Variants in ARHGAP42 observed in about 807,000 individuals in gnomAD.
ARHGAP42 encodes Rho GTPase activating protein 42.
In ARHGAP42, 63 loss-of-function variants were observed where a neutral mutation model predicts 125.0. The ratio of observed to expected loss-of-function variants is 0.50; its 90% CI spans 0.41 to 0.62. The LOEUF is 0.62. ARHGAP42 is among the 20% of genes least tolerant of loss of function. The pLI, the probability that ARHGAP42 is intolerant of heterozygous loss-of-function variation, is 0.00. For missense variants in ARHGAP42, 766 were observed against 1,024.2 expected, an observed-to-expected ratio of 0.75 and a Z score of 3.44; for synonymous variants, 339 against 351.0, an observed-to-expected ratio of 0.97 and a Z score of 0.38.
chr11:100,848,647 G>T (rs1865128168), intron 3 of ARHGAP42, among the ~76,000 whole-genome samples: 1 of 151,894 alleles, frequency 6.6e-6, no homozygotes, highest in South Asian at 2.1e-4. Context: ...GGGATTACAG[G>T]TGTGCACCAC....
intron 2 of ARHGAP42, among the ~76,000 whole-genome samples, chr11:100,778,563 G>GTT (rs532071559): frequency 6.8e-6 from 1 of 147,656 alleles, no homozygotes; most frequent in Non-Finnish European, 1.5e-5. Context: ...TTGTTTTCCT[G>GTT]TTTTTTTTTT....
At chr11:100,903,225 GTAATA>G (rs1410211676) in intron 4 of ARHGAP42, among the ~76,000 whole-genome samples, 1 of 150,532 alleles carries the variant, frequency 6.6e-6, no homozygotes, top group African/African-American at 2.5e-5. Context: ...AGTATTATAT[GTAATA>G]TAATATAAAA....
At chr11:100,771,651 T>A (rs1213721571) in intron 2 of ARHGAP42, among the ~76,000 whole-genome samples, 2 of 151,698 alleles carry the variant, frequency 1.3e-5, no homozygotes. Context: ...CAGGCTGGAG[T>A]GCAGTGGCAC....
intron 2 of ARHGAP42, among the ~76,000 whole-genome samples, chr11:100,793,220 A>T (rs1863614408): frequency 6.6e-6 from 1 of 152,192 alleles, no homozygotes; most frequent in Non-Finnish European, 1.5e-5. Flanking sequence ...GGCAGTAGAT[A>T]CCTACCAGAA....
chr11:100,843,116 A>G (rs954444617), intron 3 of ARHGAP42, among the ~76,000 whole-genome samples: 6 of 152,170 alleles, frequency 3.9e-5, no homozygotes, highest in Admixed American at 3.9e-4. Flanking sequence ...AAGCTCAAAT[A>G]GAAACAAAAT....
chr11:100,853,051 C>A (rs646865), intron 3 of ARHGAP42, among the ~76,000 whole-genome samples: 10,650 of 152,206 alleles, frequency 0.07, 517 homozygotes, highest in East Asian at 0.25. Flanking sequence ...AATATCTTCC[C>A]TGTGTGACCT....
At chr11:100,865,272 T>C (rs1199605203) in intron 4 of ARHGAP42, among the ~76,000 whole-genome samples, 1 of 152,114 alleles carries the variant, frequency 6.6e-6, no homozygotes. Context: ...TCCAAAAAAA[T>C]CTATATATAG....
chr11:100,756,953 G>C (rs1473967475), intron 1 of ARHGAP42, among the ~76,000 whole-genome samples: 1 of 152,128 alleles, frequency 6.6e-6, no homozygotes, highest in Non-Finnish European at 1.5e-5. Context: ...TTTCTGATCA[G>C]TATCATGAAT....
intron 10 of ARHGAP42, among the ~76,000 whole-genome samples, chr11:100,945,671 G>C (rs1330332950): frequency 6.6e-6 from 1 of 152,102 alleles, no homozygotes; most frequent in Non-Finnish European, 1.5e-5. Context: ...GTAATATTTA[G>C]AAATAAACCT....
chr11:100,992,000 G>T lies in ARHGAP42; in HGVS notation c.*3199G>T. On this transcript the variant is annotated 3_prime_UTR_variant, in exon 24 of 24. Transcript: ENST00000298815. ...ATCCTTCATAAAAATTCACTATGTT[G>T]TGAGGCAAACAGATTTCTCACTATC... 1 of 288,802 alleles carries T rather than the reference G, an allele frequency of 3.5e-6. No homozygotes were observed. The highest frequency in any genetic ancestry group is 6.4e-6 in the Non-Finnish European group (1 of 155,804). 17.9% of individuals were successfully genotyped at this position (288,802 alleles called of 1,614,324 possible).
chr11:100,879,578 A>C (rs756517388), intron 4 of ARHGAP42, among the ~76,000 whole-genome samples: 1 of 151,996 alleles, frequency 6.6e-6, no homozygotes, highest in Non-Finnish European at 1.5e-5. Context: ...GCAAAATTGG[A>C]TGTTGTCATT....
chr11:100,979,171 C>T, intron 22 of ARHGAP42, 122 bp downstream of exon 22: 3 of 895,596 alleles, frequency 3.3e-6, no homozygotes, highest in Non-Finnish European at 5.3e-6. Context: ...AATTTAAGTC[C>T]ACTGGCCCTT....
At chr11:100,762,407 G>A (rs1334162796) in intron 1 of ARHGAP42, among the ~76,000 whole-genome samples, 4 of 152,096 alleles carry the variant, frequency 2.6e-5, no homozygotes, top group Admixed American at 6.6e-5. Flanking sequence ...GTGATCTCCC[G>A]TGGACATGCC....
At chr11:100,841,348 A>T (rs1439042113) in intron 3 of ARHGAP42, among the ~76,000 whole-genome samples, 1 of 151,888 alleles carries the variant, frequency 6.6e-6, no homozygotes, top group African/African-American at 2.4e-5. Flanking sequence ...TGGTTTGTTC[A>T]GGAGTTGAGT....
chr11:100,701,143 CTT>C (rs200859842), intron 1 of ARHGAP42, among the ~76,000 whole-genome samples: 11 of 138,788 alleles, frequency 7.9e-5, no homozygotes, highest in Non-Finnish European at 7.9e-5. Context: ...GTAAAATGAA[CTT>C]TTTTTTTTTT....
At chr11:100,736,995 C>G (rs1862082211) in intron 1 of ARHGAP42, among the ~76,000 whole-genome samples, 1 of 151,880 alleles carries the variant, frequency 6.6e-6, no homozygotes, top group Admixed American at 6.6e-5. Context: ...GACAGTGGAA[C>G]CAGTTTAGTT....
At chr11:100,869,621 C>A (rs1358740971) in intron 4 of ARHGAP42, among the ~76,000 whole-genome samples, 1 of 151,862 alleles carries the variant, frequency 6.6e-6, no homozygotes, top group Non-Finnish European at 1.5e-5. Flanking sequence ...CAGGAGAATC[C>A]CATAGAGTTA....
At chr11:100,796,909 G>GT (rs1863730721) in intron 3 of ARHGAP42, among the ~76,000 whole-genome samples, 1 of 151,420 alleles carries the variant, frequency 6.6e-6, no homozygotes, top group Non-Finnish European at 1.5e-5. Flanking sequence ...AGCTGGGATT[G>GT]TAGGTGCACC....
chr11:100,767,886 T>C (rs1160542212), intron 1 of ARHGAP42, among the ~76,000 whole-genome samples: 1 of 152,170 alleles, frequency 6.6e-6, no homozygotes, highest in Non-Finnish European at 1.5e-5. Context: ...CTGTCTAATA[T>C]ATGTTTAAAA....
Sources: allele counts gnomAD v4.1 joint callset (sites outside exome capture counted in the v4.1 genomes callset), GRCh38; gene constraint gnomAD v4.1.1; transcripts MANE v1.5; gene names NCBI Gene and HGNC (gene_info 2026-07-23, HGNC 2026-07-21).